The following PLPPR1 variants were observed in gnomAD, a reference collection of about 807,000 sequenced individuals.
The protein encoded by PLPPR1 is phospholipid phosphatase-related protein type 1.
A neutral mutation model predicts 33.1 loss-of-function variants in PLPPR1; 10 were observed. The ratio of observed to expected loss-of-function variants is 0.30; its 90% CI spans 0.19 to 0.51. The LOEUF (loss-of-function observed/expected upper bound fraction) is 0.51, where lower values mean the gene tolerates loss of function less well. Ranked by LOEUF, PLPPR1 falls within the 20% of genes least tolerant of loss-of-function variation. The pLI is 0.97. For missense variants in PLPPR1, 304 were observed against 408.1 expected, an observed-to-expected ratio of 0.74 and a Z score of 2.20; for synonymous variants, 151 against 151.0, an observed-to-expected ratio of 1.00 and a Z score of 0.00.
intron 2 of PLPPR1, among the ~76,000 whole-genome samples, chr9:101,255,780 T>C (rs1827790920): frequency 6.6e-6 from 1 of 152,186 alleles, no homozygotes; most frequent in Non-Finnish European, 1.5e-5. Flanking sequence ...CAATATGGAA[T>C]GTGCTTATCA....
chr9:101,119,791 G>T (rs978232775), intron 1 of PLPPR1, among the ~76,000 whole-genome samples: 1 of 152,188 alleles, frequency 6.6e-6, no homozygotes, highest in Non-Finnish European at 1.5e-5. Flanking sequence ...CTAGCTTAGA[G>T]AATGCAGTGG....
At chr9:101,214,327 T>C (rs1826745604) in intron 2 of PLPPR1, among the ~76,000 whole-genome samples, 1 of 152,228 alleles carries the variant, frequency 6.6e-6, no homozygotes, top group African/African-American at 2.4e-5. Context: ...TGCCAACATA[T>C]TCTAACTAGC....
intron 1 of PLPPR1, among the ~76,000 whole-genome samples, chr9:101,095,376 C>T (rs951606620): frequency 1.3e-5 from 2 of 152,164 alleles, no homozygotes; most frequent in Non-Finnish European, 2.9e-5. Flanking sequence ...ATTGTCCTTA[C>T]TACTCCTTGG....
chr9:101,209,791 T>A (rs964716367), intron 2 of PLPPR1, among the ~76,000 whole-genome samples: 29 of 152,214 alleles, frequency 1.9e-4, no homozygotes, highest in Non-Finnish European at 3.5e-4. Flanking sequence ...ACTGCAAATG[T>A]GGATAATTTT....
intron 1 of PLPPR1, among the ~76,000 whole-genome samples, chr9:101,134,993 G>A (rs2118620352): frequency 6.6e-6 from 1 of 152,236 alleles, no homozygotes; most frequent in South Asian, 2.1e-4. Flanking sequence ...CAGATGAGGT[G>A]ATTGAGGCAT....
chr9:101,281,838 C>G (rs1564025838), intron 3 of PLPPR1, among the ~76,000 whole-genome samples: 1 of 151,962 alleles, frequency 6.6e-6, no homozygotes, highest in Non-Finnish European at 1.5e-5. Flanking sequence ...CTAGAAGAAA[C>G]AGGTAAGTTT....
chr9:101,099,105 C>T (rs931956811), intron 1 of PLPPR1, among the ~76,000 whole-genome samples: 5 of 139,788 alleles, frequency 3.6e-5, no homozygotes, highest in Admixed American at 7.4e-5. Flanking sequence ...GTGTGTGTGT[C>T]GGGGGGAGGC....
chr9:101,032,925 C>A (rs988022703), intron 1 of PLPPR1, among the ~76,000 whole-genome samples: 4 of 152,290 alleles, frequency 2.6e-5, no homozygotes, highest in Non-Finnish European at 4.4e-5. Context: ...GTTGCTGATA[C>A]ATAGTAGTAT....
chr9:101,119,068 G>A (rs182538484), intron 1 of PLPPR1, among the ~76,000 whole-genome samples: 5 of 152,238 alleles, frequency 3.3e-5, no homozygotes, highest in African/African-American at 9.6e-5. Context: ...CTGGGAATGG[G>A]CCAGCCAAAT....
At chr9:101,170,447 T>C (rs1390986876) in intron 1 of PLPPR1, among the ~76,000 whole-genome samples, 3 of 152,166 alleles carry the variant, frequency 2.0e-5, no homozygotes, top group Non-Finnish European at 4.4e-5. Flanking sequence ...TCAGATCTCA[T>C]GAGAAAGAAC....
chr9:101,049,958 C>G (rs371289826), intron 1 of PLPPR1, among the ~76,000 whole-genome samples: 16 of 151,660 alleles, frequency 1.1e-4, no homozygotes, highest in African/African-American at 3.4e-4. Context: ...AAACCTGTCT[C>G]TACTAAAAAT....
chr9:101,030,713 T>C (rs890914859), intron 1 of PLPPR1, among the ~76,000 whole-genome samples: 2 of 152,038 alleles, frequency 1.3e-5, no homozygotes, highest in African/African-American at 4.8e-5. Flanking sequence ...CCAGTACTTA[T>C]GCCTGCTGCT....
chr9:101,275,588 G>A (rs1458469093), intron 3 of PLPPR1, among the ~76,000 whole-genome samples: 1 of 152,106 alleles, frequency 6.6e-6, no homozygotes, highest in African/African-American at 2.4e-5. Context: ...TGGAAACCCT[G>A]GCTAACTACT....
chr9:101,278,900 C>A (rs1204842041), intron 3 of PLPPR1, among the ~76,000 whole-genome samples: 1 of 152,200 alleles, frequency 6.6e-6, no homozygotes, highest in African/African-American at 2.4e-5. Context: ...CGATTCAGAA[C>A]CAAGCTTAAT....
At chr9:101,250,709 G>C (rs755632929) in intron 2 of PLPPR1, among the ~76,000 whole-genome samples, 2 of 151,962 alleles carry the variant, frequency 1.3e-5, no homozygotes, top group Non-Finnish European at 2.9e-5. Context: ...GTTAAAAAAC[G>C]AAAGAAGTCT....
chr9:101,101,988 A>G (rs1006578163), intron 1 of PLPPR1, among the ~76,000 whole-genome samples: 1 of 151,846 alleles, frequency 6.6e-6, no homozygotes, highest in Admixed American at 6.6e-5. Context: ...CATGCTGTTT[A>G]TAAGTTACTA....
At chr9:101,034,049 GAA>G (rs5899424) in intron 1 of PLPPR1, among the ~76,000 whole-genome samples, 22 of 150,674 alleles carry the variant, frequency 1.5e-4, no homozygotes, top group Non-Finnish European at 2.2e-4. Context: ...GGAATGGGAG[GAA>G]AAAAAAAACG....
chr9:101,181,373 A>G (rs1317489586), intron 1 of PLPPR1, among the ~76,000 whole-genome samples: 1 of 151,020 alleles, frequency 6.6e-6, no homozygotes, highest in African/African-American at 2.4e-5. Flanking sequence ...GGGAATGTAA[A>G]TTAATATATC....
chr9:101,297,306 A>G (rs1252893993), intron 4 of PLPPR1, among the ~76,000 whole-genome samples: 1 of 152,222 alleles, frequency 6.6e-6, no homozygotes, highest in African/African-American at 2.4e-5. Flanking sequence ...TAGAAGAGCA[A>G]AAACTTCAAC....
Sources: gnomAD v4.1 joint callset for allele counts (sites outside exome capture counted in the v4.1 genomes callset) on GRCh38, gnomAD v4.1.1 for gene constraint, MANE v1.5 for transcripts, NCBI Gene and HGNC (gene_info 2026-07-23, HGNC 2026-07-21) for gene names.